The following NFIC variants were observed in gnomAD, a reference collection of about 807,000 sequenced individuals.
NFIC encodes the protein nuclear factor I C.
NFIC carries 12 observed loss-of-function variants against 54.4 expected under a neutral mutation model. That is an observed-to-expected ratio of 0.22 (90% CI 0.14 to 0.36). NFIC has a LOEUF of 0.36. Ranked by LOEUF, NFIC falls within the 10% of genes least tolerant of loss-of-function variation. The pLI, the probability that NFIC is intolerant of heterozygous loss-of-function variation, is 1.00. For missense variants in NFIC, 575 were observed against 718.2 expected, an observed-to-expected ratio of 0.80 and a Z score of 2.28; for synonymous variants, 322 against 319.2, an observed-to-expected ratio of 1.01 and a Z score of -0.09.
chr19:3,420,754 C>T (rs1254195053), intron 2 of NFIC, among the ~76,000 whole-genome samples: 3 of 151,356 alleles, frequency 2.0e-5, no homozygotes, highest in Non-Finnish European at 4.4e-5. Context: ...GATGGAGTCA[C>T]TCTGTCGCCC....
intron 2 of NFIC, among the ~76,000 whole-genome samples, chr19:3,401,836 C>T (rs576100042): frequency 9.3e-4 from 142 of 152,100 alleles, no homozygotes; most frequent in Admixed American, 2.4e-3. Context: ...ATTCTCCTGC[C>T]TCAGCCTCCT....
chr19:3,453,925 G>A lies in NFIC; in HGVS notation c.1423+9G>A, dbSNP rs764250000. The A allele has an allele frequency of 5.3e-6, 8 of 1,522,456 alleles. No individual in the cohort carries two copies. Among genetic ancestry groups the A allele is most frequent in the Admixed American group, 2.2e-5 (1 of 44,640 alleles). 94.3% of individuals were successfully genotyped at this position (1,522,456 alleles called of 1,614,324 possible). A position where few individuals can be genotyped will look rare whatever the true frequency, so the allele number is the denominator to read the frequency against. ...GTCGCCGACCTCGCCTTGTAAGCAC[G>A]CGGGAAGCGGTGCCCTGGTGGGGCG... On this transcript the variant is annotated intron_variant, in intron 9 of 10. Transcript: ENST00000443272. The surrounding 1 kb of genome is among the most constrained non-coding windows in gnomAD (Gnocchi z 6.7).
Position 3,382,103 on chromosome 19 carries a change from T to C in NFIC, c.422T>C (p.Ile141Thr), listed in dbSNP as rs779523701. 6.2e-7 allele frequency: 1 copy of C among 1,613,294 alleles called. No homozygotes were observed. Among genetic ancestry groups the C allele is most frequent in the South Asian group, 1.1e-5 (1 of 91,086 alleles). Residue 141 changes from isoleucine (I) to threonine (T), a missense_variant, in exon 2 of 11, where the codon ATC (isoleucine) becomes ACC (threonine). Ile to Thr is a moderately conservative substitution (Grantham distance 89). This residue lies in a region of NFIC where 447 missense variants were observed against 526.9 expected (regional missense o/e 0.85). Transcript: ENST00000443272. ...GTCATGGTCATCCTGTTCAAGGGCA[T>C]CCCGCTGGAGAGCACCGACGGCGAG... ...DLVMVILFKG[I>T]PLESTDGERL...
rs1358424578 is a variant in NFIC, at chr19:3,464,562, A to AG, written c.*1796dup. 1 of 873,570 alleles carries AG rather than the reference A, an allele frequency of 1.1e-6. No individual in the cohort carries two copies. Among genetic ancestry groups the AG allele is most frequent in the Non-Finnish European group, 1.3e-6 (1 of 764,604 alleles). The allele number at this position is 873,570 out of a possible 1,614,324, so 54.1% of individuals were successfully genotyped here. ...CCAGCCCCAACTGACCTCCATGCCT[A>AG]GGGAAAAACTCCCCCCACCACTGCC... On this transcript the variant is annotated 3_prime_UTR_variant, in exon 11 of 11. Transcript: ENST00000443272.
chr19:3,371,127 AGGTGCCAAATAACTGCTATAGAGT>A (rs2081000900), intron 1 of NFIC, among the ~76,000 whole-genome samples: 1 of 152,184 alleles, frequency 6.6e-6, no homozygotes, highest in African/African-American at 2.4e-5. Context: ...GGTATAGAGA[AGGTGCCAAATAACTGCTATAGAGT>A]GGTGCCAAAT....
chr19:3,377,081 C>T (rs1479187089), intron 1 of NFIC, among the ~76,000 whole-genome samples: 3 of 150,876 alleles, frequency 2.0e-5, no homozygotes, highest in Non-Finnish European at 4.4e-5. Context: ...GTAGCCCCAG[C>T]ACTTTGGGAG....
intron 6 of NFIC, among the ~76,000 whole-genome samples, chr19:3,447,129 T>C (rs1460384943): frequency 6.6e-6 from 1 of 151,562 alleles, no homozygotes; most frequent in Non-Finnish European, 1.5e-5. Context: ...TGAAACCCCA[T>C]CTCTACTAAA....
At chr19:3,445,488 T>A (rs1330941555) in intron 6 of NFIC, among the ~76,000 whole-genome samples, 1 of 152,170 alleles carries the variant, frequency 6.6e-6, no homozygotes, top group East Asian at 1.9e-4. Context: ...CTGCCCCCCA[T>A]GTGGGTGTCC....
chr19:3,462,977 A>G lies in NFIC; in HGVS notation c.*208A>G, dbSNP rs2082663386. The G allele has an allele frequency of 3.5e-6, 5 of 1,420,912 alleles. No homozygotes were observed. Among genetic ancestry groups the G allele is most frequent in the Non-Finnish European group, 4.6e-6 (5 of 1,094,740 alleles). 88.0% of individuals were successfully genotyped at this position (1,420,912 alleles called of 1,614,324 possible). A position where few individuals can be genotyped will look rare whatever the true frequency, so the allele number is the denominator to read the frequency against. On this transcript the variant is annotated 3_prime_UTR_variant, in exon 11 of 11. Transcript: ENST00000443272. ...AAAGGCAGAAGAAGAAGAAGAAGAA[A>G]TAAAAACCCACCCAAGCAAGAAGAC...
exon 1 of NFIC, chr19:3,359,656 C>G (rs982158582): frequency 4.3e-6 from 6 of 1,392,370 alleles, no homozygotes; most frequent in Non-Finnish European, 5.7e-6. Context: ...CGCTCCGGCG[C>G]CGGCCTCGCC....
At chr19:3,437,142 C>T (rs1198982713) in intron 6 of NFIC, among the ~76,000 whole-genome samples, 6 of 152,026 alleles carry the variant, frequency 3.9e-5, no homozygotes, top group East Asian at 1.9e-4. Context: ...CCGAGGCAGG[C>T]GGATCACGAG....
chr19:3,416,043 G>T (rs574140950), intron 2 of NFIC, among the ~76,000 whole-genome samples: 3 of 151,758 alleles, frequency 2.0e-5, no homozygotes, highest in Non-Finnish European at 2.9e-5. Flanking sequence ...CAAGCCTGTA[G>T]CCCCGGCTAC....
intron 1 of NFIC, among the ~76,000 whole-genome samples, chr19:3,371,977 C>T (rs74595726): frequency 1.9e-3 from 190 of 100,788 alleles, no homozygotes; most frequent in African/African-American, 6.8e-3. Context: ...CCTTCTCTTT[C>T]TCTCTCTCTC....
At chr19:3,451,617 C>T (rs994886260) in intron 7 of NFIC, among the ~76,000 whole-genome samples, 14 of 141,820 alleles carry the variant, frequency 9.9e-5, no homozygotes, top group African/African-American at 3.6e-4. Context: ...GGTGACAAAG[C>T]GAGATTCTAT....
Position 3,459,015 on chromosome 19 carries a change from G to A in NFIC, c.1509+2380G>A, listed in dbSNP as rs1395377419. On this transcript the variant is annotated intron_variant, in intron 10 of 10. Transcript: ENST00000443272. This position sits in a 1 kb window ranked among gnomAD's most constrained non-coding sequence, Gnocchi z 4.2. The stretch of plus-strand genomic sequence containing the variant: ...CGCCGCCACCTCCCTGCAGACCCCG[G>A]AGAGAGGGAGGGAAGAAGCAGTGAG... Among the ~76,000 whole-genome samples the A allele has an allele frequency of 6.6e-6, 1 of 152,046 alleles. No homozygotes were observed. The highest frequency in any genetic ancestry group is 1.5e-5 in the Non-Finnish European group (1 of 67,986).
At position 3,444,368 on chromosome 19, in the gene NFIC, C is replaced by G. The variant is rs527593758; in HGVS notation, c.959-4646C>G. 1.1e-3 allele frequency among the ~76,000 whole-genome samples: 167 copies of G among 152,284 alleles called. 2 individuals carry two copies. The highest frequency in any genetic ancestry group is 3.7e-3 in the African/African-American group (152 of 41,578). ...TTCTCAGATGGGGCATTCAGGATGC[C>G]GGGAGGGGCGTATGGATGTGTTCCC... On this transcript the variant is annotated intron_variant, in intron 6 of 10. Coordinates refer to ENST00000443272, the MANE Select transcript of NFIC (RefSeq NM_001245002.2).
At chr19:3,441,500 C>T (rs1196186277) in intron 6 of NFIC, among the ~76,000 whole-genome samples, 3 of 152,264 alleles carry the variant, frequency 2.0e-5, no homozygotes, top group Non-Finnish European at 2.9e-5. Context: ...TGGGCCTCTC[C>T]CCATCGCTGT....
intron 6 of NFIC, among the ~76,000 whole-genome samples, chr19:3,435,835 C>CT (rs869180200): frequency 5.5e-5 from 7 of 126,500 alleles, no homozygotes; most frequent in African/African-American, 1.9e-4. Flanking sequence ...TTCTTTCTTT[C>CT]TTTTTTTTGA....
chr19:3,433,632 G>T (rs906978381), intron 4 of NFIC, 40 bp downstream of exon 4: 2 of 1,605,228 alleles, frequency 1.2e-6, no homozygotes, highest in African/African-American at 2.7e-5. Context: ...TCTTGGAGAG[G>T]GGAGGGGGCC....
Sources: allele counts gnomAD v4.1 joint callset (sites outside exome capture counted in the v4.1 genomes callset), GRCh38; gene constraint gnomAD v4.1.1; regional missense constraint gnomAD v4.1.1; non-coding constraint Gnocchi (gnomAD v3.1); transcripts MANE v1.5; gene names NCBI Gene and HGNC (gene_info 2026-07-23, HGNC 2026-07-21).